Variants in WASL observed in about 807,000 individuals in gnomAD.
WASL encodes actin nucleation-promoting factor WASL.
In WASL, 20 loss-of-function variants were observed where a neutral mutation model predicts 55.5. The ratio of observed to expected loss-of-function variants is 0.36; its 90% confidence interval spans 0.25 to 0.52. The LOEUF is 0.52. WASL is among the 20% of genes least tolerant of loss of function. WASL has a pLI of 0.92. For missense variants in WASL, 504 were observed against 622.5 expected (o/e 0.81, Z 2.03); for synonymous variants, 249 against 217.6 (o/e 1.14, Z -1.27).
rs1020606472 is a variant in WASL, at chr7:123,694,968, C to T, written c.673-100G>A. On this transcript the variant is annotated intron_variant, in intron 7 of 10. Transcript: ENST00000223023. ...TCCTTCTGAAATTATTTTGCCTAAA[C>T]TTTTAACATGCTTATATTACTTATG... is the stretch of plus-strand genomic sequence containing the variant. The T allele has an allele frequency of 2.8e-5, 35 of 1,233,066 alleles. No individual in the cohort carries two copies. The Admixed American group carries it at 6.4e-4, about 22-fold the overall frequency. The allele number at this position is 1,233,066 out of a possible 1,614,324, so 76.4% of individuals were successfully genotyped here.
chr7:123,734,237 G>A (rs1424246592), intron 1 of WASL, among the ~76,000 whole-genome samples: 1 of 152,122 alleles, frequency 6.6e-6, no homozygotes, highest in Non-Finnish European at 1.5e-5. Flanking sequence ...GAAACACACA[G>A]CTGATACAGG....
At chr7:123,742,746 ACT>A (rs780253962) in intron 1 of WASL, among the ~76,000 whole-genome samples, 2 of 152,164 alleles carry the variant, frequency 1.3e-5, no homozygotes, top group Non-Finnish European at 2.9e-5. Flanking sequence ...TATTCTGTTC[ACT>A]CTGCTGTTTT....
intron 1 of WASL, among the ~76,000 whole-genome samples, chr7:123,722,702 C>A (rs905426605): frequency 1.3e-4 from 20 of 151,952 alleles, no homozygotes; most frequent in Admixed American, 5.9e-4. Flanking sequence ...TGACTGCAAT[C>A]CCAGAGGTAT....
chr7:123,702,335 C>T (rs935919580), intron 5 of WASL, among the ~76,000 whole-genome samples: 2 of 152,094 alleles, frequency 1.3e-5, no homozygotes, highest in African/African-American at 2.4e-5. Context: ...GGATTACAGG[C>T]GAGAGCCACC....
intron 1 of WASL, among the ~76,000 whole-genome samples, chr7:123,747,198 C>G (rs1181022649): frequency 6.6e-6 from 1 of 152,130 alleles, no homozygotes; most frequent in African/African-American, 2.4e-5. Flanking sequence ...TCCTGGTTTT[C>G]TAGTTCTGGT....
At chr7:123,741,873 A>G (rs1331593398) in intron 1 of WASL, among the ~76,000 whole-genome samples, 1 of 152,192 alleles carries the variant, frequency 6.6e-6, no homozygotes, top group East Asian at 1.9e-4. Flanking sequence ...ACGCTTAAGT[A>G]GCTCCAATTC....
Position 123,696,694 on chromosome 7 carries a change from T to C in WASL, c.514A>G (p.Asn172Asp). The change falls in exon 6 of 11, where the codon AAT becomes GAT. Residue 172 changes from asparagine (N) to aspartate (D), a missense_variant. This residue lies in a region of WASL where 230 missense variants were observed against 271.9 expected (regional missense o/e 0.85). Coordinates refer to ENST00000223023, the MANE Select transcript of WASL (RefSeq NM_003941.4). Reference sequence around the variant, plus strand: ...TTGACTTGTGGACCATAAAATCTATTTGTTGTGATTTCTGGATTTTTTATA... The same window carrying C: ...TTGACTTGTGGACCATAAAATCTATCTGTTGTGATTTCTGGATTTTTTATA... ...VDIKNPEITT[N>D]RFYGPQVNNI... The C allele has an allele frequency of 6.2e-7, 1 of 1,600,626 alleles. No homozygotes were observed. The highest frequency in any genetic ancestry group is 2.3e-5 in the East Asian group (1 of 44,112).
intron 1 of WASL, among the ~76,000 whole-genome samples, chr7:123,726,232 C>A (rs901718263): frequency 6.6e-6 from 1 of 152,042 alleles, no homozygotes; most frequent in Non-Finnish European, 1.5e-5. Context: ...AAAAGGGTTC[C>A]AAGTCAATTC....
intron 1 of WASL, among the ~76,000 whole-genome samples, chr7:123,742,014 T>C (rs1043070825): frequency 2.0e-5 from 3 of 152,194 alleles, no homozygotes; most frequent in Non-Finnish European, 4.4e-5. Context: ...TTTAAAAAAA[T>C]AGTATATTTT....
At chr7:123,708,409 C>A (rs1274117182) in intron 2 of WASL, among the ~76,000 whole-genome samples, 1 of 152,062 alleles carries the variant, frequency 6.6e-6, no homozygotes, top group Non-Finnish European at 1.5e-5. Context: ...TCTCATTGCA[C>A]TTATTGCCAC....
chr7:123,726,732 G>C lies in WASL; in HGVS notation c.118-17509C>G, dbSNP rs552683342. On this transcript the variant is annotated intron_variant, in intron 1 of 10. Transcript: ENST00000223023. ...AATAGATAAATTAGCTGAGTGTGTTGGCACGCACCTGTAATCCCAGCTGCT... is the reference window on the plus strand; with the variant it reads ...AATAGATAAATTAGCTGAGTGTGTTCGCACGCACCTGTAATCCCAGCTGCT... 2.0e-5 allele frequency among the ~76,000 whole-genome samples: 3 copies of C among 152,236 alleles called. No individual in the cohort carries two copies. The South Asian group carries it at 6.2e-4, about 32-fold the overall frequency.
chr7:123,747,286 G>A (rs1422409454), intron 1 of WASL, among the ~76,000 whole-genome samples: 1 of 152,146 alleles, frequency 6.6e-6, no homozygotes, highest in Non-Finnish European at 1.5e-5. Context: ...GTGTGAATGG[G>A]GAGGGGCTTA....
At chr7:123,689,203 T>C in intron 9 of WASL, 53 bp from the exon 10 acceptor site, 1 of 1,473,506 alleles carries the variant, frequency 6.8e-7, no homozygotes, top group East Asian at 2.3e-5. Context: ...CCAAGAATCT[T>C]TGTCTCCAGA....
chr7:123,724,971 T>C (rs889958435), intron 1 of WASL, among the ~76,000 whole-genome samples: 2 of 152,184 alleles, frequency 1.3e-5, no homozygotes, highest in African/African-American at 4.8e-5. Flanking sequence ...ACATACATTT[T>C]TAAAAAGAAT....
intron 10 of WASL, among the ~76,000 whole-genome samples, chr7:123,687,214 C>T (rs538792348): frequency 1.3e-5 from 2 of 152,270 alleles, no homozygotes; most frequent in African/African-American, 4.8e-5. Context: ...AACCACTTCT[C>T]ATTGGTGCTA....
intron 1 of WASL, among the ~76,000 whole-genome samples, chr7:123,744,783 T>C (rs962776925): frequency 6.6e-6 from 1 of 152,192 alleles, no homozygotes; most frequent in African/African-American, 2.4e-5. Flanking sequence ...TAAAATTAAC[T>C]GAATCACACT....
At chr7:123,735,392 A>AG (rs973991652) in intron 1 of WASL, among the ~76,000 whole-genome samples, 1 of 151,478 alleles carries the variant, frequency 6.6e-6, no homozygotes, top group Non-Finnish European at 1.5e-5. Flanking sequence ...AAAAAAAAAA[A>AG]AACAGGAAAA....
chr7:123,721,603 T>A (rs1803944966), intron 1 of WASL, among the ~76,000 whole-genome samples: 1 of 152,186 alleles, frequency 6.6e-6, no homozygotes, highest in South Asian at 2.1e-4. Flanking sequence ...TCAAGTTTTG[T>A]TTTTAAGATT....
At chr7:123,708,216 T>C (rs1803702492) in intron 2 of WASL, among the ~76,000 whole-genome samples, 1 of 151,974 alleles carries the variant, frequency 6.6e-6, no homozygotes, top group Non-Finnish European at 1.5e-5. Context: ...AGCACTAATT[T>C]ACCAAATACC....
Sources: allele counts gnomAD v4.1 joint callset (sites outside exome capture counted in the v4.1 genomes callset), GRCh38; gene constraint gnomAD v4.1.1; regional missense constraint gnomAD v4.1.1; transcripts MANE v1.5; gene names NCBI Gene and HGNC (gene_info 2026-07-23, HGNC 2026-07-21).